The following EPB41L4A variants were observed in gnomAD, a reference collection of about 807,000 sequenced individuals.
EPB41L4A encodes band 4.1-like protein 4A.
EPB41L4A carries 100 observed loss-of-function variants against 108.6 expected under a neutral mutation model. That is an observed-to-expected ratio of 0.92 (90% confidence interval 0.78 to 1.09). EPB41L4A has a LOEUF of 1.09. EPB41L4A is among the 50% of genes least tolerant of loss of function. The pLI is 0.00. For synonymous variants in EPB41L4A, 319 were observed against 289.0 expected, an observed-to-expected ratio of 1.10 and a Z score of -1.05; for missense variants, 1,030 against 842.7, an observed-to-expected ratio of 1.22 and a Z score of -2.75.
downstream of EPB41L4A, among the ~76,000 whole-genome samples, chr5:112,159,399 T>G (rs1265980267): frequency 6.6e-6 from 1 of 152,250 alleles, no homozygotes; most frequent in East Asian, 1.9e-4. Flanking sequence ...CAACTTGTCT[T>G]GCTGCCACTT....
chr5:112,256,248 C>T (rs1310242395), intron 9 of EPB41L4A, among the ~76,000 whole-genome samples: 1 of 151,886 alleles, frequency 6.6e-6, no homozygotes, highest in African/African-American at 2.4e-5. Context: ...ATTCCTAAAA[C>T]CAAGAACTAA....
chr5:112,175,605 A>G (rs1316210063), intron 18 of EPB41L4A: 4 of 152,126 alleles, frequency 2.6e-5, no homozygotes, highest in Non-Finnish European at 5.9e-5. Context: ...ATATGGGAGT[A>G]ATGGAGAGAT....
chr5:112,405,511 G>A (rs1762027491), intron 1 of EPB41L4A, among the ~76,000 whole-genome samples: 1 of 152,206 alleles, frequency 6.6e-6, no homozygotes, highest in Non-Finnish European at 1.5e-5. Context: ...AGGCTACTTA[G>A]AGTCTCTACT....
chr5:112,350,882 C>T (rs1561596479), intron 1 of EPB41L4A, among the ~76,000 whole-genome samples: 2 of 152,168 alleles, frequency 1.3e-5, no homozygotes, highest in African/African-American at 2.4e-5. Flanking sequence ...TTAGTGGACA[C>T]TTAGGATGAT....
chr5:112,319,788 T>C (rs977829941), intron 1 of EPB41L4A, among the ~76,000 whole-genome samples: 2 of 152,150 alleles, frequency 1.3e-5, no homozygotes, highest in Admixed American at 6.5e-5. Context: ...ACAACCAACA[T>C]TTGCCTGGGG....
chr5:112,161,823 C>T (rs1759925859), downstream of EPB41L4A: 5 of 293,056 alleles, frequency 1.7e-5, no homozygotes, highest in South Asian at 1.5e-4. Context: ...TTTTTATCAC[C>T]TTTTAAATTG....
downstream of EPB41L4A, among the ~76,000 whole-genome samples, chr5:112,158,921 C>T (rs1237897682): frequency 1.3e-5 from 2 of 152,196 alleles, no homozygotes; most frequent in Admixed American, 1.3e-4. Flanking sequence ...AAGACTAAGG[C>T]ATGTTATAAT....
chr5:112,282,179 C>T (rs986678496), intron 2 of EPB41L4A, among the ~76,000 whole-genome samples: 2 of 152,068 alleles, frequency 1.3e-5, no homozygotes, highest in South Asian at 2.1e-4. Context: ...ATTATGATCC[C>T]CAGGGAAAGT....
At chr5:112,410,255 A>T (rs1762330550) in intron 1 of EPB41L4A, among the ~76,000 whole-genome samples, 1 of 152,076 alleles carries the variant, frequency 6.6e-6, no homozygotes, top group African/African-American at 2.4e-5. Context: ...TGGGAGAAAG[A>T]ATAGAAAGGA....
intron 2 of EPB41L4A, among the ~76,000 whole-genome samples, chr5:112,306,963 G>A (rs1754728621): frequency 6.6e-6 from 1 of 151,906 alleles, no homozygotes; most frequent in African/African-American, 2.4e-5. Flanking sequence ...TAAAACTTAG[G>A]TAGTCACTTT....
intron 2 of EPB41L4A, among the ~76,000 whole-genome samples, chr5:112,304,217 C>A (rs755134201): frequency 1.3e-4 from 20 of 152,154 alleles, no homozygotes; most frequent in Non-Finnish European, 2.5e-4. Flanking sequence ...GGGCAGCAGA[C>A]CCAGGACCTA....
intron 15 of EPB41L4A, among the ~76,000 whole-genome samples, chr5:112,201,539 C>T (rs534572611): frequency 9.2e-5 from 14 of 152,246 alleles, no homozygotes; most frequent in African/African-American, 2.4e-4. Context: ...TGACTATCTG[C>T]TCAACATGTG....
chr5:112,149,607 G>C lies in EPB41L4A; in HGVS notation n.995-3609C>G, dbSNP rs1387268422. On this transcript the variant is annotated intron_variant and non_coding_transcript_variant, in intron 12 of 13. Coordinates refer to the EPB41L4A transcript ENST00000507810. Reference sequence around the variant, plus strand: ...CCTTCTAATGTTCTTAAACTGGATAGTTTTTCAAGGAACAAATTGAAAAAA... The same window carrying C: ...CCTTCTAATGTTCTTAAACTGGATACTTTTTCAAGGAACAAATTGAAAAAA... 3.3e-5 allele frequency among the ~76,000 whole-genome samples: 5 copies of C among 152,326 alleles called. No individual in the cohort carries two copies. The East Asian group carries it at 9.6e-4, about 29-fold the overall frequency.
chr5:112,407,916 T>C (rs915329580), intron 1 of EPB41L4A, among the ~76,000 whole-genome samples: 4 of 152,246 alleles, frequency 2.6e-5, no homozygotes, highest in Non-Finnish European at 4.4e-5. Context: ...GAGCAAAATA[T>C]ACAGTGTCGC....
chr5:112,232,040 T>C (rs1258172003), intron 12 of EPB41L4A, among the ~76,000 whole-genome samples: 1 of 147,700 alleles, frequency 6.8e-6, no homozygotes, highest in Admixed American at 6.9e-5. Flanking sequence ...GCTTGAGCCA[T>C]AAGTTCAAAG....
intron 1 of EPB41L4A, among the ~76,000 whole-genome samples, chr5:112,381,361 G>A (rs942006782): frequency 6.6e-6 from 1 of 152,094 alleles, no homozygotes; most frequent in African/African-American, 2.4e-5. Flanking sequence ...TTTGGCATAC[G>A]TTATCTTTAA....
chr5:112,204,528 T>C, intron 14 of EPB41L4A, 40 bp from the exon 15 acceptor site: 1 of 1,374,686 alleles, frequency 7.3e-7, no homozygotes, highest in Non-Finnish European at 1.0e-6. Flanking sequence ...GCCCAGAGAG[T>C]TCCTGGGGGA....
intron 1 of EPB41L4A, among the ~76,000 whole-genome samples, chr5:112,384,810 A>C (rs1164499867): frequency 6.6e-6 from 1 of 150,512 alleles, no homozygotes; most frequent in African/African-American, 2.5e-5. Context: ...GGAAGTTAAA[A>C]GAAAAGAAAA....
chr5:112,194,544 T>C, intron 17 of EPB41L4A, 24 bp downstream of exon 17: 1 of 1,378,126 alleles, frequency 7.3e-7, no homozygotes, highest in Non-Finnish European at 1.0e-6. Flanking sequence ...AGAGTGCCAG[T>C]TAATTATAAT....
Sources: allele counts gnomAD v4.1 joint callset (sites outside exome capture counted in the v4.1 genomes callset), GRCh38; gene constraint gnomAD v4.1.1; transcripts MANE v1.5; gene names NCBI Gene and HGNC (gene_info 2026-07-23, HGNC 2026-07-21).